Variants in MGST1 observed in about 807,000 individuals in gnomAD.
MGST1 encodes the protein glutathione S-transferase 12.
In MGST1, 5 loss-of-function variants were observed where a neutral mutation model predicts 8.9. The observed-to-expected ratio is 0.56, with a 90% CI of 0.29 to 1.19. MGST1 has a LOEUF of 1.19. MGST1 is among the 50% of genes most tolerant of loss of function. The probability of loss-of-function intolerance (pLI) is 0.08; values close to 1 mark genes in which losing one functional copy is unlikely to be tolerated. For missense variants in MGST1, 182 were observed against 187.4 expected (o/e 0.97, Z 0.17); for synonymous variants, 54 against 67.8 (o/e 0.80, Z 1.00).
At chr12:16,385,460 C>T (rs1202133714) in intron 1 of MGST1, among the ~76,000 whole-genome samples, 2 of 152,106 alleles carry the variant, frequency 1.3e-5, no homozygotes, top group Non-Finnish European at 2.9e-5. Context: ...GATCTTATTA[C>T]ACATAGAAAT....
At chr12:16,426,722 C>T (rs1270765065) in intron 1 of MGST1, among the ~76,000 whole-genome samples, 4 of 152,004 alleles carry the variant, frequency 2.6e-5, no homozygotes, top group African/African-American at 9.7e-5. Flanking sequence ...GAGGCCGAGG[C>T]GGGCGGATCA....
intron 4 of MGST1, among the ~76,000 whole-genome samples, chr12:16,530,217 T>C (rs1941713679): frequency 6.6e-6 from 1 of 152,184 alleles, no homozygotes; most frequent in African/African-American, 2.4e-5. Context: ...CCAAGGCACA[T>C]ATTCAAAGTT....
At chr12:16,429,691 CTG>C (rs1940922260) in intron 1 of MGST1, among the ~76,000 whole-genome samples, 1 of 152,110 alleles carries the variant, frequency 6.6e-6, no homozygotes, top group Non-Finnish European at 1.5e-5. Flanking sequence ...TGTCTAAAAA[CTG>C]TACATATCTT....
At position 16,497,102 on chromosome 12, in the gene MGST1, T is replaced by A. The variant is rs1409721963; in HGVS notation, n.483-92426T>A. On this transcript the variant is annotated intron_variant and non_coding_transcript_variant, in intron 4 of 4. Coordinates refer to the MGST1 transcript ENST00000538857. The surrounding 1 kb of genome is among the most constrained non-coding windows in gnomAD (Gnocchi z 4.4). ...TAGAAGAGAAAGAAATATTTAATCC[T>A]ATGCCAGAAGGGAAAAGATGAGAAC... Among the ~76,000 whole-genome samples the A allele has an allele frequency of 2.0e-5, 3 of 152,162 alleles. No homozygotes were observed. The highest frequency in any genetic ancestry group is 4.4e-5 in the Non-Finnish European group (3 of 68,010).
chr12:16,399,356 G>C, intron 1 of MGST1: 1 of 1,540,750 alleles, frequency 6.5e-7, no homozygotes, highest in Non-Finnish European at 9.0e-7. Context: ...GGCCCAAACT[G>C]TGCACAGATG....
chr12:16,354,475 A>G (rs1225303388), intron 2 of MGST1, 97 bp downstream of exon 2: 11 of 1,214,874 alleles, frequency 9.1e-6, no homozygotes, highest in East Asian at 4.9e-5. Flanking sequence ...GTAAAGCCCA[A>G]TAGCACACTG....
chr12:16,517,113 G>A lies in MGST1; in HGVS notation n.483-72415G>A, dbSNP rs746186743. ...AAAAAATCAATATGTAACCTGAGAA[G>A]CGATATGCAAAGTCATTGGAAGGAA... On this transcript the variant is annotated intron_variant and non_coding_transcript_variant, in intron 4 of 4. Coordinates refer to the MGST1 transcript ENST00000538857. The surrounding 1 kb of genome is among the most constrained non-coding windows in gnomAD (Gnocchi z 4.2). Among the ~76,000 whole-genome samples the A allele has an allele frequency of 3.3e-5, 5 of 152,084 alleles. No homozygotes were observed. The highest frequency in any genetic ancestry group is 7.3e-5 in the Non-Finnish European group (5 of 68,028).
chr12:16,447,022 T>C (rs917642294), intron 4 of MGST1, among the ~76,000 whole-genome samples: 5 of 151,926 alleles, frequency 3.3e-5, no homozygotes, highest in Admixed American at 1.3e-4. Context: ...AGCCTCTCTA[T>C]TCCTTTCTCC....
intron 4 of MGST1, among the ~76,000 whole-genome samples, chr12:16,512,657 A>T (rs1015777361): frequency 1.4e-4 from 21 of 152,238 alleles, no homozygotes; most frequent in Admixed American, 4.6e-4. Flanking sequence ...CAAAACATAA[A>T]ATCTGTTCAA....
At chr12:16,386,577 T>C (rs538272758) in intron 1 of MGST1, among the ~76,000 whole-genome samples, 6 of 152,346 alleles carry the variant, frequency 3.9e-5, no homozygotes, top group Non-Finnish European at 7.3e-5. Flanking sequence ...AATTACGAGC[T>C]AGCTTTTAAA....
rs1939612465 is a variant in MGST1, at chr12:16,354,340, A to G, written c.88A>G (p.Met30Val). 14 of 1,608,286 alleles carry G rather than the reference A, an allele frequency of 8.7e-6. No homozygotes were observed. Among genetic ancestry groups the G allele is most frequent in the Non-Finnish European group, 1.0e-5 (12 of 1,178,328 alleles). ...ATIILSKMMLMSTATAFYRLT... is the reference protein window; with the variant it reads ...ATIILSKMMLVSTATAFYRLT... ...AATTATTCTTTCAAAAATGATGCTT[A>G]TGAGTACTGCAACTGCATTCTATAG... Residue 30 changes from methionine to valine, a missense_variant, in exon 2 of 4, where the codon ATG (methionine) becomes GTG (valine). Transcript: ENST00000396210.
intron 4 of MGST1, among the ~76,000 whole-genome samples, chr12:16,543,084 G>A (rs1349394427): frequency 1.3e-5 from 2 of 152,106 alleles, no homozygotes; most frequent in African/African-American, 4.8e-5. Context: ...GTTAACAGTT[G>A]TTTGCCTGTC....
At chr12:16,470,932 C>T (rs1314578570) in intron 4 of MGST1, among the ~76,000 whole-genome samples, 2 of 152,146 alleles carry the variant, frequency 1.3e-5, no homozygotes, top group Admixed American at 1.3e-4. Flanking sequence ...AAACTAAAAA[C>T]AATTAAGTTT....
chr12:16,425,108 T>C (rs1380726418), intron 1 of MGST1, among the ~76,000 whole-genome samples: 1 of 152,198 alleles, frequency 6.6e-6, no homozygotes, highest in Non-Finnish European at 1.5e-5. Context: ...AACCCAGGGT[T>C]AGAATGAATA....
chr12:16,431,794 G>C (rs1441078014), intron 1 of MGST1, among the ~76,000 whole-genome samples: 1 of 151,838 alleles, frequency 6.6e-6, no homozygotes, highest in Non-Finnish European at 1.5e-5. Flanking sequence ...TTTGATGCAG[G>C]GTTTCTGCAA....
chr12:16,397,583 AAAAC>A (rs1365382865), intron 1 of MGST1, among the ~76,000 whole-genome samples: 4 of 152,072 alleles, frequency 2.6e-5, no homozygotes, highest in Non-Finnish European at 5.9e-5. Context: ...ATAGCAAAAA[AAAAC>A]AAACAACAAA....
rs1943357565 is a variant in MGST1, at chr12:16,587,503, G to A, written n.483-2025G>A. Among the ~76,000 whole-genome samples the A allele has an allele frequency of 6.6e-6, 1 of 151,942 alleles. No homozygotes were observed. ...TGCCTACTACTAGCAAATAAACTGT[G>A]CCTCTTTTTTAAATAAACCCCTGGC... On this transcript the variant is annotated intron_variant and non_coding_transcript_variant, in intron 4 of 4. Coordinates refer to the MGST1 transcript ENST00000538857. This position sits in a 1 kb window ranked among gnomAD's most constrained non-coding sequence, Gnocchi z 4.3.
intron 4 of MGST1, chr12:16,551,152 A>T: frequency 1.0e-6 from 1 of 982,286 alleles, no homozygotes; most frequent in Admixed American, 1.7e-5. Context: ...GTCAATTCTT[A>T]TGTACATGTG....
intron 4 of MGST1, among the ~76,000 whole-genome samples, chr12:16,469,484 C>T (rs1267839982): frequency 3.3e-5 from 5 of 152,122 alleles, no homozygotes; most frequent in African/African-American, 4.8e-5. Flanking sequence ...CCACCATGCC[C>T]GGCCATAATG....
Sources: gnomAD v4.1 joint callset for allele counts (sites outside exome capture counted in the v4.1 genomes callset) on GRCh38, gnomAD v4.1.1 for gene constraint, Gnocchi (gnomAD v3.1) non-coding constraint, MANE v1.5 for transcripts, NCBI Gene and HGNC (gene_info 2026-07-23, HGNC 2026-07-21) for gene names.